The following PID1 variants were observed in gnomAD, a reference collection of about 807,000 sequenced individuals.
PID1 encodes PTB-containing, cubilin and LRP1-interacting protein.
In PID1, 10 loss-of-function variants were observed where a neutral mutation model predicts 19.1. The ratio of observed to expected loss-of-function variants is 0.52; its 90% CI spans 0.32 to 0.89. The LOEUF is 0.89. Ranked by LOEUF, PID1 falls within the 40% of genes least tolerant of loss-of-function variation. The pLI is 0.03. For missense variants in PID1, 248 were observed against 285.3 expected, an observed-to-expected ratio of 0.87 and a Z score of 0.94; for synonymous variants, 130 against 116.0, an observed-to-expected ratio of 1.12 and a Z score of -0.78.
intron 2 of PID1, among the ~76,000 whole-genome samples, chr2:229,066,873 C>A (rs988816383): frequency 7.2e-5 from 11 of 152,264 alleles, no homozygotes; most frequent in African/African-American, 2.4e-4. Flanking sequence ...TTAACACCCA[C>A]AATCCTCTCT....
At chr2:229,183,161 A>T (rs1690982982) in intron 1 of PID1, among the ~76,000 whole-genome samples, 1 of 152,160 alleles carries the variant, frequency 6.6e-6, no homozygotes. Flanking sequence ...GAACACAGAG[A>T]CGCATGGGAG....
At chr2:229,113,734 G>A (rs1559239012) in intron 2 of PID1, among the ~76,000 whole-genome samples, 1 of 151,876 alleles carries the variant, frequency 6.6e-6, no homozygotes, top group Non-Finnish European at 1.5e-5. Context: ...TGGCTCCCAT[G>A]TTTAAATTCT....
chr2:229,258,125 G>A (rs1468906147), intron 1 of PID1, among the ~76,000 whole-genome samples: 1 of 152,190 alleles, frequency 6.6e-6, no homozygotes. Flanking sequence ...AGGTCTCAGA[G>A]GACTGAGCCA....
At chr2:229,138,866 G>A (rs1574658626) in intron 2 of PID1, among the ~76,000 whole-genome samples, 1 of 146,920 alleles carries the variant, frequency 6.8e-6, no homozygotes. Flanking sequence ...GTAGAAGGAG[G>A]AAAAAAAAAT....
intron 2 of PID1, among the ~76,000 whole-genome samples, chr2:229,118,657 A>G (rs1320429127): frequency 6.6e-6 from 1 of 152,206 alleles, no homozygotes; most frequent in African/African-American, 2.4e-5. Flanking sequence ...AAAAGAGTCA[A>G]AAGCCACAGA....
At chr2:229,144,569 T>C (rs995247237) in intron 2 of PID1, among the ~76,000 whole-genome samples, 3 of 152,134 alleles carry the variant, frequency 2.0e-5, no homozygotes, top group Admixed American at 1.3e-4. Flanking sequence ...CACACAGATA[T>C]TGAGTTCACT....
intron 1 of PID1, among the ~76,000 whole-genome samples, chr2:229,162,695 T>C (rs1360427109): frequency 6.6e-6 from 1 of 152,248 alleles, no homozygotes; most frequent in African/African-American, 2.4e-5. Flanking sequence ...TTTGACATTC[T>C]ATTTATAATC....
chr2:229,112,468 T>C (rs1378541186), intron 2 of PID1, among the ~76,000 whole-genome samples: 1 of 152,176 alleles, frequency 6.6e-6, no homozygotes, highest in Non-Finnish European at 1.5e-5. Flanking sequence ...GGGTAATGTG[T>C]TTCTAAAATA....
At chr2:229,093,405 C>G (rs192458326) in intron 2 of PID1, among the ~76,000 whole-genome samples, 1 of 151,572 alleles carries the variant, frequency 6.6e-6, no homozygotes, top group Non-Finnish European at 1.5e-5. Context: ...ATTACAGGAG[C>G]GAGCCATCAA....
At chr2:229,032,870 CTG>C (rs1427807287) in intron 2 of PID1, among the ~76,000 whole-genome samples, 2 of 152,160 alleles carry the variant, frequency 1.3e-5, no homozygotes, top group Non-Finnish European at 2.9e-5. Flanking sequence ...TATTCACAGA[CTG>C]TGAAAATATA....
At chr2:229,255,673 A>C (rs768893995) in intron 1 of PID1, among the ~76,000 whole-genome samples, 3 of 152,216 alleles carry the variant, frequency 2.0e-5, no homozygotes, top group Admixed American at 6.5e-5. Flanking sequence ...CATAACAATG[A>C]GAAGTTTTAG....
At chr2:229,088,826 C>T (rs976520850) in intron 2 of PID1, among the ~76,000 whole-genome samples, 19 of 152,138 alleles carry the variant, frequency 1.2e-4, no homozygotes, top group Admixed American at 1.2e-3. Context: ...TCCATGAATA[C>T]TGCCTGAGAT....
intron 2 of PID1, among the ~76,000 whole-genome samples, chr2:229,153,662 A>C (rs939503466): frequency 1.3e-5 from 2 of 152,186 alleles, no homozygotes; most frequent in Non-Finnish European, 2.9e-5. Flanking sequence ...AAATTAGTCC[A>C]TGAGACATGA....
intron 1 of PID1, among the ~76,000 whole-genome samples, chr2:229,176,402 G>A (rs1206472899): frequency 1.3e-5 from 2 of 152,178 alleles, no homozygotes; most frequent in Admixed American, 6.5e-5. Flanking sequence ...GATTCAGCAC[G>A]CATTCCCCAT....
At chr2:229,139,137 G>GA (rs1168270314) in intron 2 of PID1, among the ~76,000 whole-genome samples, 1 of 123,324 alleles carries the variant, frequency 8.1e-6, no homozygotes, top group Non-Finnish European at 1.7e-5. Context: ...AAGAAAGAAA[G>GA]AAAGAAAGAA....
At chr2:229,113,807 T>C (rs1695352440) in intron 2 of PID1, among the ~76,000 whole-genome samples, 1 of 152,124 alleles carries the variant, frequency 6.6e-6, no homozygotes, top group Admixed American at 6.6e-5. Context: ...TGGTTAGTTT[T>C]ATGTGCCAAC....
At chr2:229,134,751 G>C (rs1339037983) in intron 2 of PID1, among the ~76,000 whole-genome samples, 2 of 152,036 alleles carry the variant, frequency 1.3e-5, no homozygotes, top group Non-Finnish European at 2.9e-5. Flanking sequence ...TAAAATCTTA[G>C]AGTCATGTGG....
intron 2 of PID1, among the ~76,000 whole-genome samples, chr2:229,044,983 T>G (rs1357159848): frequency 6.6e-6 from 1 of 152,162 alleles, no homozygotes; most frequent in Non-Finnish European, 1.5e-5. Context: ...AGATGGAGTC[T>G]CACTCTGTTG....
chr2:229,177,230 G>T (rs1335472872), intron 1 of PID1, among the ~76,000 whole-genome samples: 1 of 152,114 alleles, frequency 6.6e-6, no homozygotes, highest in Non-Finnish European at 1.5e-5. Flanking sequence ...AATTCAAGAT[G>T]AGATTTGAGT....
Sources: gnomAD v4.1 joint callset for allele counts (sites outside exome capture counted in the v4.1 genomes callset) on GRCh38, gnomAD v4.1.1 for gene constraint, MANE v1.5 for transcripts, NCBI Gene and HGNC (gene_info 2026-07-23, HGNC 2026-07-21) for gene names.